Variants in ZBTB44 observed in about 807,000 individuals in gnomAD.
The protein encoded by ZBTB44 is zinc finger and BTB domain-containing protein 44.
Under a neutral mutation model 54.0 loss-of-function variants are expected in ZBTB44, and 15 were observed. That is an observed-to-expected ratio of 0.28 (90% CI 0.19 to 0.43). The LOEUF is 0.43. ZBTB44 is among the 20% of genes least tolerant of loss of function. The pLI is 1.00. For synonymous variants in ZBTB44, 230 were observed against 250.1 expected, an observed-to-expected ratio of 0.92 and a Z score of 0.76; for missense variants, 487 against 707.1, an observed-to-expected ratio of 0.69 and a Z score of 3.53.
intron 2 of ZBTB44, among the ~76,000 whole-genome samples, chr11:130,251,358 C>T (rs112350650): frequency 0.064 from 9,754 of 152,244 alleles, 749 homozygotes; most frequent in African/African-American, 0.18. Flanking sequence ...ATGAACCAAG[C>T]TGGAAAACAC....
intron 1 of ZBTB44, among the ~76,000 whole-genome samples, chr11:130,278,145 C>G (rs1355588725): frequency 6.6e-6 from 1 of 152,096 alleles, no homozygotes; most frequent in East Asian, 1.9e-4. Context: ...ATCCAATAAG[C>G]CCATTGTTAG....
At chr11:130,255,691 C>T (rs1257085173) in intron 2 of ZBTB44, among the ~76,000 whole-genome samples, 4 of 151,842 alleles carry the variant, frequency 2.6e-5, no homozygotes, top group Non-Finnish European at 5.9e-5. Context: ...ATCAAATAGA[C>T]ACAATAAAAA....
intron 1 of ZBTB44, among the ~76,000 whole-genome samples, chr11:130,268,470 A>C (rs568912028): frequency 6.6e-6 from 1 of 152,264 alleles, no homozygotes; most frequent in East Asian, 1.9e-4. Flanking sequence ...TATTTGAAAA[A>C]TGTGCCAAGT....
At chr11:130,259,296 G>A (rs1329066848) in intron 2 of ZBTB44, among the ~76,000 whole-genome samples, 1 of 152,166 alleles carries the variant, frequency 6.6e-6, no homozygotes, top group Non-Finnish European at 1.5e-5. Context: ...AAAAAGTCTG[G>A]AAACAACAGA....
At chr11:130,262,987 G>C (rs1160600769) in intron 1 of ZBTB44, among the ~76,000 whole-genome samples, 1 of 152,218 alleles carries the variant, frequency 6.6e-6, no homozygotes, top group Non-Finnish European at 1.5e-5. Context: ...CTTGAGCCTG[G>C]GAGGTGGAGG....
At chr11:130,298,693 C>G (rs1941814059) in intron 1 of ZBTB44, among the ~76,000 whole-genome samples, 1 of 150,782 alleles carries the variant, frequency 6.6e-6, no homozygotes, top group Non-Finnish European at 1.5e-5. Context: ...GAACTCCTAA[C>G]CTCAGGTTAT....
intron 1 of ZBTB44, among the ~76,000 whole-genome samples, chr11:130,298,437 G>T (rs1392623946): frequency 1.3e-5 from 2 of 149,540 alleles, no homozygotes; most frequent in South Asian, 4.2e-4. Context: ...GAGCCACCAT[G>T]CCCGGCCAAA....
Position 130,260,678 on chromosome 11 carries a change from G to T in ZBTB44, c.1018+178C>A, listed in dbSNP as rs185796934. On this transcript the variant is annotated intron_variant, in intron 2 of 7. Transcript: ENST00000357899. ...TTCAATTATTTTTATCTTCCCCAAT[G>T]TGCAACTTGTAAAAAATAAACGATA... is the stretch of plus-strand genomic sequence containing the variant. 1.9e-4 allele frequency among the ~76,000 whole-genome samples: 29 copies of T among 152,224 alleles called. 1 individual carries two copies. The highest frequency in any genetic ancestry group is 1.6e-3 in the Admixed American group (25 of 15,276).
chr11:130,252,330 G>T (rs1938076170), intron 2 of ZBTB44, among the ~76,000 whole-genome samples: 1 of 152,168 alleles, frequency 6.6e-6, no homozygotes, highest in Non-Finnish European at 1.5e-5. Context: ...AATAGTGGGA[G>T]ACTTTAACAC....
intron 1 of ZBTB44, among the ~76,000 whole-genome samples, chr11:130,300,153 GTGGGGAGACAGAGA>G (rs1174780716): frequency 6.6e-5 from 10 of 152,366 alleles, no homozygotes; most frequent in Non-Finnish European, 1.0e-4. Context: ...GCCTGGGGAT[GTGGGGAGACAGAGA>G]TGGGGAGTTA....
rs531030883 is a variant in ZBTB44 at position 130,283,035 on chromosome 11, C to CTTT, written c.-56-21109_-56-21107dup. Reference sequence around the variant, plus strand: ...ATAAAATAAAATTTGCCATTCTAACCTTTTTTTTTTTTTTTTTTTTTTTTG... The same window carrying CTTT: ...ATAAAATAAAATTTGCCATTCTAACCTTTTTTTTTTTTTTTTTTTTTTTTTTTG... On this transcript the variant is annotated intron_variant, in intron 1 of 7. Transcript: ENST00000357899. Among the ~76,000 whole-genome samples the CTTT allele has an allele frequency of 2.4e-3, 250 of 102,396 alleles. 1 individual carries two copies. The highest frequency in any genetic ancestry group is 4.4e-3 in the East Asian group (15 of 3,436). The allele number at this position is 102,396 out of a possible 152,430, so 67.2% of individuals were successfully genotyped here. A position where few individuals can be genotyped will look rare whatever the true frequency, so the allele number is the denominator to read the frequency against.
intron 3 of ZBTB44, chr11:130,238,840 G>A (rs1954229921): frequency 1.3e-5 from 5 of 392,068 alleles, no homozygotes; most frequent in Admixed American, 8.5e-5. Flanking sequence ...AAGTCATATC[G>A]TGTAGGGCTT....
At chr11:130,264,801 T>C (rs1421911129) in intron 1 of ZBTB44, among the ~76,000 whole-genome samples, 1 of 152,230 alleles carries the variant, frequency 6.6e-6, no homozygotes, top group East Asian at 1.9e-4. Flanking sequence ...CACTTTGCTT[T>C]ATTAAACTTT....
intron 1 of ZBTB44, among the ~76,000 whole-genome samples, chr11:130,298,386 C>T (rs528807188): frequency 4.0e-4 from 61 of 151,956 alleles, no homozygotes; most frequent in African/African-American, 1.5e-3. Flanking sequence ...CTCAACGAAT[C>T]CACCCACCTT....
At chr11:130,248,934 T>C (rs1937758191) in intron 2 of ZBTB44, among the ~76,000 whole-genome samples, 1 of 151,950 alleles carries the variant, frequency 6.6e-6, no homozygotes, top group Non-Finnish European at 1.5e-5. Context: ...TGAAACTCCA[T>C]CTCTACTAAA....
chr11:130,286,678 C>T (rs1189061403), intron 1 of ZBTB44, among the ~76,000 whole-genome samples: 1 of 152,258 alleles, frequency 6.6e-6, no homozygotes, highest in Non-Finnish European at 1.5e-5. Flanking sequence ...ATTTCACATT[C>T]AATTCAATTA....
intron 2 of ZBTB44, among the ~76,000 whole-genome samples, chr11:130,241,859 G>C (rs1954378945): frequency 6.6e-6 from 1 of 152,142 alleles, no homozygotes; most frequent in African/African-American, 2.4e-5. Context: ...CGAATGTCAT[G>C]AAAGGTCTGC....
intron 1 of ZBTB44, among the ~76,000 whole-genome samples, chr11:130,264,997 T>A (rs763931826): frequency 3.3e-5 from 5 of 152,164 alleles, no homozygotes; most frequent in African/African-American, 4.8e-5. Context: ...CAGTAATCTT[T>A]GATGTTACTA....
intron 1 of ZBTB44, among the ~76,000 whole-genome samples, chr11:130,276,577 G>A (rs1940120957): frequency 6.6e-6 from 1 of 151,914 alleles, no homozygotes. Context: ...TGGGATTATA[G>A]GAGTGCACCA....
Sources: allele counts gnomAD v4.1 joint callset (sites outside exome capture counted in the v4.1 genomes callset), GRCh38; gene constraint gnomAD v4.1.1; transcripts MANE v1.5; gene names NCBI Gene and HGNC (gene_info 2026-07-23, HGNC 2026-07-21).